Variants in CLEC16A observed in about 807,000 individuals in gnomAD.
CLEC16A encodes C-type lectin domain containing 16A, also known as protein CLEC16A.
In CLEC16A, 51 loss-of-function variants were observed where a neutral mutation model predicts 109.5. The ratio of observed to expected loss-of-function variants is 0.47; its 90% CI spans 0.37 to 0.59. The LOEUF is 0.59. Ranked by LOEUF, CLEC16A falls within the 20% of genes least tolerant of loss-of-function variation. The pLI is 0.00. For synonymous variants in CLEC16A, 673 were observed against 564.2 expected (o/e 1.19, Z -2.73); for missense variants, 1,339 against 1,394.0 (o/e 0.96, Z 0.63).
At chr16:11,044,905 A>G (rs2047552763) in intron 16 of CLEC16A, among the ~76,000 whole-genome samples, 1 of 151,022 alleles carries the variant, frequency 6.6e-6, no homozygotes, top group Non-Finnish European at 1.5e-5. Context: ...CATCCTAGGC[A>G]ACAAGAGCGA....
At chr16:11,011,044 G>A (rs2045380165) in intron 11 of CLEC16A, among the ~76,000 whole-genome samples, 1 of 152,214 alleles carries the variant, frequency 6.6e-6, no homozygotes, top group South Asian at 2.1e-4. Flanking sequence ...CTTGGGTGAT[G>A]TTCGTTTTGG....
chr16:11,030,611 A>G (rs776187843), intron 13 of CLEC16A, among the ~76,000 whole-genome samples: 9 of 152,076 alleles, frequency 5.9e-5, no homozygotes, highest in Non-Finnish European at 1.2e-4. Context: ...TGAATTGAGT[A>G]AAAAAAATAT....
chr16:11,176,409 C>G (rs762288440), intron 23 of CLEC16A, among the ~76,000 whole-genome samples: 7 of 152,222 alleles, frequency 4.6e-5, no homozygotes, highest in Admixed American at 1.3e-4. Context: ...ATCTCTCTCT[C>G]TCTCTCTCTC....
chr16:11,043,446 T>C (rs1398206218), intron 15 of CLEC16A, among the ~76,000 whole-genome samples: 3 of 152,008 alleles, frequency 2.0e-5, no homozygotes, highest in Non-Finnish European at 4.4e-5. Context: ...ATGGCCATAT[T>C]TTATAACCCA....
intron 7 of CLEC16A, among the ~76,000 whole-genome samples, chr16:10,975,668 G>A (rs528902460): frequency 2.8e-4 from 42 of 151,996 alleles, no homozygotes; most frequent in African/African-American, 9.9e-4. Flanking sequence ...TCTTTTTTGA[G>A]ATGGAGTCTT....
intron 23 of CLEC16A, 117 bp downstream of exon 23, chr16:11,166,669 C>A: frequency 9.7e-7 from 1 of 1,025,766 alleles, no homozygotes; most frequent in Non-Finnish European, 1.4e-6. Context: ...AGGATGATGC[C>A]GCTCAGGTGA....
chr16:11,153,691 A>G (rs2054386762), intron 22 of CLEC16A, among the ~76,000 whole-genome samples: 1 of 151,968 alleles, frequency 6.6e-6, no homozygotes, highest in Non-Finnish European at 1.5e-5. Context: ...AAAACATCTG[A>G]CCCCAAGACA....
chr16:11,089,045 G>A (rs959275127), intron 19 of CLEC16A, among the ~76,000 whole-genome samples: 7 of 152,132 alleles, frequency 4.6e-5, no homozygotes, highest in African/African-American at 1.7e-4. Flanking sequence ...CTCCGTTCAG[G>A]GGAGGGGGAG....
chr16:11,112,011 T>C (rs2051622780), intron 19 of CLEC16A, among the ~76,000 whole-genome samples: 1 of 152,240 alleles, frequency 6.6e-6, no homozygotes, highest in South Asian at 2.1e-4. Context: ...TGTCTGCCAG[T>C]TGGAGAGCTG....
At chr16:11,002,711 T>A (rs1184447030) in intron 10 of CLEC16A, among the ~76,000 whole-genome samples, 1 of 152,122 alleles carries the variant, frequency 6.6e-6, no homozygotes, top group African/African-American at 2.4e-5. Flanking sequence ...CATGTGCACA[T>A]GTTATTTAGC....
intron 19 of CLEC16A, among the ~76,000 whole-genome samples, chr16:11,085,433 C>G (rs905923537): frequency 3.3e-5 from 5 of 152,272 alleles, no homozygotes; most frequent in Admixed American, 6.5e-5. Context: ...GGCCAAGACC[C>G]AGCTTTGTCA....
intron 19 of CLEC16A, among the ~76,000 whole-genome samples, chr16:11,077,434 T>C (rs2049437759): frequency 7.0e-6 from 1 of 142,816 alleles, no homozygotes; most frequent in Non-Finnish European, 1.5e-5. Flanking sequence ...ATTGTGCCAC[T>C]GCACTCCAGC....
At chr16:11,112,210 A>C (rs2051639706) in intron 19 of CLEC16A, among the ~76,000 whole-genome samples, 1 of 152,240 alleles carries the variant, frequency 6.6e-6, no homozygotes, top group South Asian at 2.1e-4. Context: ...GAAAATGCAC[A>C]GTGGACAGGC....
intron 23 of CLEC16A, among the ~76,000 whole-genome samples, chr16:11,172,695 C>A (rs980490150): frequency 7.2e-5 from 11 of 152,070 alleles, no homozygotes; most frequent in Non-Finnish European, 1.3e-4. Context: ...TCGAGACCAG[C>A]CTGGCCAACA....
chr16:11,034,941 TTG>T (rs1394728435), intron 13 of CLEC16A, among the ~76,000 whole-genome samples: 19 of 152,062 alleles, frequency 1.2e-4, no homozygotes, highest in Admixed American at 8.5e-4. Context: ...GTGTGTGTGT[TTG>T]TGTGTATGTC....
chr16:11,037,675 G>A (rs974552105), intron 13 of CLEC16A, among the ~76,000 whole-genome samples: 7 of 152,084 alleles, frequency 4.6e-5, no homozygotes, highest in Admixed American at 3.3e-4. Flanking sequence ...TAGAAGGAGC[G>A]AGCAGCCAGG....
chr16:11,016,776 A>C (rs1026522286), intron 11 of CLEC16A, among the ~76,000 whole-genome samples: 3 of 152,162 alleles, frequency 2.0e-5, no homozygotes, highest in Non-Finnish European at 2.9e-5. Flanking sequence ...CTTTCTGTGC[A>C]GCTAGAATTT....
chr16:11,144,077 G>C (rs557412172), intron 22 of CLEC16A, among the ~76,000 whole-genome samples: 2 of 152,182 alleles, frequency 1.3e-5, no homozygotes, highest in Admixed American at 6.5e-5. Flanking sequence ...ACCTTGCCTT[G>C]AGAGTGCCTC....
chr16:10,950,278 A>G (rs527782084), intron 1 of CLEC16A, among the ~76,000 whole-genome samples: 1 of 152,312 alleles, frequency 6.6e-6, no homozygotes, highest in South Asian at 2.1e-4. Flanking sequence ...TGGCTTGTTC[A>G]GCTGGGTACT....
Sources: gnomAD v4.1 joint callset for allele counts (sites outside exome capture counted in the v4.1 genomes callset) on GRCh38, gnomAD v4.1.1 for gene constraint, MANE v1.5 for transcripts, NCBI Gene and HGNC (gene_info 2026-07-23, HGNC 2026-07-21) for gene names.